Variants in ARNT observed in about 807,000 individuals in gnomAD.
ARNT encodes aryl hydrocarbon receptor nuclear translocator, also known as class E basic helix-loop-helix protein 2.
ARNT carries 30 observed loss-of-function variants against 105.0 expected under a neutral mutation model. The observed-to-expected ratio is 0.29, with a 90% CI of 0.21 to 0.39. ARNT has a LOEUF of 0.39. ARNT is among the 10% of genes least tolerant of loss of function. The pLI, the probability that ARNT is intolerant of heterozygous loss-of-function variation, is 1.00. For missense variants in ARNT, 748 were observed against 978.7 expected (o/e 0.76, Z 3.15); for synonymous variants, 304 against 344.0 (o/e 0.88, Z 1.29).
rs148240844 is a variant in ARNT, at chr1:150,845,625, C to T, written c.227+638G>A. Among the ~76,000 whole-genome samples, 208 of 151,280 alleles carry T rather than the reference C, an allele frequency of 1.4e-3. 1 individual carries two copies. Among genetic ancestry groups the T allele is most frequent in the African/African-American group, 4.7e-3 (192 of 41,178 alleles). The stretch of plus-strand genomic sequence containing the variant: ...TCTGTCTCAAAAAAATAAAATAGGC[C>T]GGGTGCGGTGGCTCACACCTATAAT... On this transcript the variant is annotated intron_variant, in intron 4 of 21. Coordinates refer to ENST00000358595, the MANE Select transcript of ARNT (RefSeq NM_001668.4).
Position 150,876,598 on chromosome 1 carries a change from C to G in ARNT, c.-31G>C, listed in dbSNP as rs774564669. ...CAGATGCCACCGCCGCCGCGCCACC[C>G]CCCCCCCCAGTGGGAGGAGCCGCCG... On this transcript the variant is annotated 5_prime_UTR_variant, in exon 1 of 22. Coordinates refer to ENST00000358595, the MANE Select transcript of ARNT (RefSeq NM_001668.4). 1.3e-5 allele frequency: 16 copies of G among 1,249,554 alleles called. 1 individual carries two copies. The highest frequency in any genetic ancestry group is 5.3e-5 in the Admixed American group (2 of 37,530). 77.4% of individuals were successfully genotyped at this position (1,249,554 alleles called of 1,614,324 possible).
At position 150,829,209 on chromosome 1, in the gene ARNT, A is replaced by G. The variant is rs1011263037; in HGVS notation, c.1051T>C (p.Cys351Arg). Residue 351 changes from cysteine to arginine, a missense_variant, in exon 12 of 22, where the codon TGT becomes CGT. Physicochemically the swap from Cys to Arg is radical, Grantham distance 180 (BLOSUM62 -3). Coordinates refer to ENST00000358595, the MANE Select transcript of ARNT (RefSeq NM_001668.4). ...GRLQVTSSPN[C>R]TDMSNVCQPT... is the part of the protein sequence containing the mutation. Reference sequence around the variant, plus strand: ...TGACAAACATTACTCATGTCTGTACAGTTGGGAGAACTAGTTACCTGAGAG... The same window carrying G: ...TGACAAACATTACTCATGTCTGTACGGTTGGGAGAACTAGTTACCTGAGAG... 3.7e-6 allele frequency: 6 copies of G among 1,613,660 alleles called. No individual in the cohort carries two copies. Among genetic ancestry groups the G allele is most frequent in the African/African-American group, 2.7e-5 (2 of 75,046 alleles).
At chr1:150,836,628 G>A in intron 6 of ARNT, 135 bp from the exon 7 acceptor site, 1 of 855,422 alleles carries the variant, frequency 1.2e-6, no homozygotes, top group East Asian at 2.7e-5. Flanking sequence ...CTGATCCACA[G>A]CCACAGGTTT....
intron 3 of ARNT, among the ~76,000 whole-genome samples, chr1:150,846,542 T>C (rs931165863): frequency 1.3e-5 from 2 of 152,186 alleles, no homozygotes; most frequent in African/African-American, 4.8e-5. Context: ...AAAAAGATGA[T>C]GATCTAATGA....
At chr1:150,829,065 G>A (rs1658841682) in intron 12 of ARNT, 28 bp downstream of exon 12, 1 of 1,610,082 alleles carries the variant, frequency 6.2e-7, no homozygotes, top group African/African-American at 1.3e-5. Flanking sequence ...AAGGAAAATG[G>A]AGGCCTAATG....
chr1:150,823,108 T>G, intron 14 of ARNT, 86 bp downstream of exon 14: 4 of 1,312,596 alleles, frequency 3.0e-6, no homozygotes, highest in Non-Finnish European at 4.0e-6. Context: ...GCTTGATTGT[T>G]TACCCCCCAC....
Position 150,831,804 on chromosome 1 carries a change from T to C in ARNT, c.955+14A>G, listed in dbSNP as rs1659394763. 1 of 1,595,292 alleles carries C rather than the reference T, an allele frequency of 6.3e-7. No homozygotes were observed. Among genetic ancestry groups the C allele is most frequent in the South Asian group, 1.1e-5 (1 of 89,378 alleles). Reference sequence around the variant, plus strand: ...CTGTACCAAGGGGAAATATTTACTATTTCACTTTCTTACCTGCTGGGGGCC... The same window carrying C: ...CTGTACCAAGGGGAAATATTTACTACTTCACTTTCTTACCTGCTGGGGGCC... On this transcript the variant is annotated intron_variant, in intron 10 of 21. Coordinates refer to ENST00000358595, the MANE Select transcript of ARNT (RefSeq NM_001668.4).
chr1:150,817,072 A>G lies in ARNT; in HGVS notation c.1699+10T>C, dbSNP rs780710132. ...TGAGAATTTAAAAGGATAATGAGAA[A>G]GAAACATACCCGCATTGATGTTGTG... On this transcript the variant is annotated intron_variant, in intron 17 of 21. Transcript: ENST00000358595. 1.2e-5 allele frequency: 20 copies of G among 1,614,108 alleles called. No homozygotes were observed. The highest frequency in any genetic ancestry group is 1.6e-5 in the Non-Finnish European group (19 of 1,180,006).
At position 150,811,999 on chromosome 1, in the gene ARNT, C is replaced by T. The variant is rs1232977976; in HGVS notation, c.*22G>A. The T allele has an allele frequency of 1.4e-6, 2 of 1,459,906 alleles. No homozygotes were observed. The highest frequency in any genetic ancestry group is 1.8e-6 in the Non-Finnish European group (2 of 1,093,290). The allele number at this position is 1,459,906 out of a possible 1,614,324, so 90.4% of individuals were successfully genotyped here. A position where few individuals can be genotyped will look rare whatever the true frequency, so the allele number is the denominator to read the frequency against. On this transcript the variant is annotated 3_prime_UTR_variant, in exon 22 of 22. Coordinates refer to ENST00000358595, the MANE Select transcript of ARNT (RefSeq NM_001668.4). ...AAACAGTGATTTTTTCTCCCCCACC[C>T]CTTATCCTCACCCCAATAGTTCTAT... is the stretch of plus-strand genomic sequence containing the variant.
chr1:150,871,907 C>CAG (rs1667518216), intron 1 of ARNT, among the ~76,000 whole-genome samples: 1 of 40,086 alleles, frequency 2.5e-5, no homozygotes, highest in African/African-American at 1.1e-4. Context: ...GACCCTGTCT[C>CAG]AAAAAAAAAA....
chr1:150,871,493 G>T (rs1308632578), intron 1 of ARNT, among the ~76,000 whole-genome samples: 12 of 149,874 alleles, frequency 8.0e-5, no homozygotes, highest in Non-Finnish European at 1.6e-4. Flanking sequence ...TAGAGACAGG[G>T]TTTCTCCATG....
intron 2 of ARNT, among the ~76,000 whole-genome samples, chr1:150,856,176 C>T (rs983961783): frequency 6.6e-5 from 10 of 152,156 alleles, no homozygotes; most frequent in Admixed American, 5.2e-4. Context: ...TGCAGTGGCT[C>T]GTGCCTGTAA....
intron 3 of ARNT, among the ~76,000 whole-genome samples, chr1:150,850,154 G>A (rs1033938285): frequency 2.0e-5 from 3 of 152,138 alleles, no homozygotes; most frequent in Admixed American, 2.0e-4. Context: ...TTGGGAGGCC[G>A]AGGAGGGCGG....
chr1:150,817,514 A>G (rs754034501), intron 15 of ARNT, 81 bp from the exon 16 acceptor site: 225 of 1,354,422 alleles, frequency 1.7e-4, no homozygotes, highest in Non-Finnish European at 2.2e-4. Flanking sequence ...GAACCTTAAA[A>G]CAAATTAAAC....
chr1:150,856,190 C>T (rs907916892), intron 2 of ARNT, among the ~76,000 whole-genome samples: 15 of 152,028 alleles, frequency 9.9e-5, no homozygotes, highest in Admixed American at 7.2e-4. Context: ...CCTGTAATCC[C>T]GCACTTCGGG....
chr1:150,873,089 C>T (rs1265491914), intron 1 of ARNT, among the ~76,000 whole-genome samples: 1 of 151,812 alleles, frequency 6.6e-6, no homozygotes, highest in Non-Finnish European at 1.5e-5. Context: ...TCGAGACCAC[C>T]CTGGCTAACA....
At chr1:150,836,766 G>A (rs1051412701) in intron 6 of ARNT, among the ~76,000 whole-genome samples, 4 of 152,150 alleles carry the variant, frequency 2.6e-5, no homozygotes, top group African/African-American at 9.7e-5. Flanking sequence ...CTTGGGCTAG[G>A]CACAGCGGCT....
intron 8 of ARNT, 66 bp from the exon 9 acceptor site, chr1:150,832,465 T>C (rs1257545620): frequency 1.0e-5 from 15 of 1,448,396 alleles, no homozygotes; most frequent in African/African-American, 2.8e-5. Flanking sequence ...TCCACAGTAA[T>C]AGCAGAATAA....
intron 1 of ARNT, among the ~76,000 whole-genome samples, chr1:150,864,431 C>A (rs769124411): frequency 6.6e-6 from 1 of 151,742 alleles, no homozygotes; most frequent in Non-Finnish European, 1.5e-5. Context: ...ACTATGCAGC[C>A]ATAAAAAATG....
Sources: gnomAD v4.1 joint callset for allele counts (sites outside exome capture counted in the v4.1 genomes callset) on GRCh38, gnomAD v4.1.1 for gene constraint, MANE v1.5 for transcripts, NCBI Gene and HGNC (gene_info 2026-07-23, HGNC 2026-07-21) for gene names.